FTCD: variants seen among roughly 807,000 people sequenced by gnomAD.
FTCD encodes the protein formimidoyltransferase-cyclodeaminase.
A neutral mutation model predicts 62.9 loss-of-function variants in FTCD; 76 were observed. The ratio of observed to expected loss-of-function variants is 1.21; its 90% CI spans 1.00 to 1.46. The LOEUF is 1.46. FTCD is among the 40% of genes most tolerant of loss of function. FTCD has a pLI of 0.00. For missense variants in FTCD, 845 were observed against 751.3 expected (o/e 1.12, Z -1.46); for synonymous variants, 397 against 336.9 (o/e 1.18, Z -1.95).
At chr21:46,153,151 C>A in intron 2 of FTCD, 116 bp from the exon 3 acceptor site, 1 of 1,129,756 alleles carries the variant, frequency 8.9e-7, no homozygotes, top group Admixed American at 2.4e-5. Context: ...TCCACACACC[C>A]AGCAAGCTGC....
chr21:46,137,457 C>T lies in FTCD; in HGVS notation c.1444-123G>A, dbSNP rs558393682. The T allele has an allele frequency of 1.6e-4, 127 of 782,252 alleles. 1 individual carries two copies. The highest frequency in any genetic ancestry group is 8.0e-4 in the Admixed American group (43 of 53,890). The allele number at this position is 782,252 out of a possible 1,614,324, so 48.5% of individuals were successfully genotyped here. On this transcript the variant is annotated intron_variant, in intron 12 of 13. Transcript: ENST00000397746. The stretch of plus-strand genomic sequence containing the variant: ...GTCCTCCTCCTCACAAGGAGCCCAG[C>T]GCAGCCCCCGCTTTCGCCCCACAGA...
Position 46,136,895 on chromosome 21 carries a change from C to G in FTCD, c.*92G>C. ...GCCCACCTACCCTCCGGGCCCCACA[C>G]GAACAAGCTGTGTCCCCACCGAGGT... On this transcript the variant is annotated 3_prime_UTR_variant, in exon 14 of 14. Transcript: ENST00000397746. 1 of 1,590,746 alleles carries G rather than the reference C, an allele frequency of 6.3e-7. No homozygotes were observed. The highest frequency in any genetic ancestry group is 1.1e-5 in the South Asian group (1 of 88,058).
Position 46,138,571 on chromosome 21 carries a change from C to A in FTCD, c.1380G>T (p.Ser460=), listed in dbSNP as rs750312666. The A allele has an allele frequency of 8.8e-6, 14 of 1,587,102 alleles. No individual in the cohort carries two copies. Among genetic ancestry groups the A allele is most frequent in the Non-Finnish European group, 1.2e-5 (14 of 1,173,924 alleles). The change falls in exon 12 of 14, where the codon TCG becomes TCT. Residue 460 remains serine (S), a synonymous_variant. Coordinates refer to ENST00000397746, the MANE Select transcript of FTCD (RefSeq NM_206965.2). ...VPLTLAETVA[S]LWPALQELAR... ...CCAGTTCCTGCAGGGCCGGCCACAG[C>A]GAGGCCACCGTCTCCGCCAGCGTCA... is the stretch of plus-strand genomic sequence containing the variant.
Position 46,151,597 on chromosome 21 carries a change from G to C in FTCD, c.597C>G (p.Ile199Met), listed in dbSNP as rs773170658. The C allele has an allele frequency of 5.6e-6, 9 of 1,612,880 alleles. No individual in the cohort carries two copies. The highest frequency in any genetic ancestry group is 7.6e-6 in the Non-Finnish European group (9 of 1,179,968). The stretch of plus-strand genomic sequence containing the variant: ...GGCCCTGCTCCCGCAGGTTGAGCGC[G>C]ATGCGGTGGGCTTGCTCCTTTGTGC... ...LLGTKEQAHR[I>M]ALNLREQGRG... is the part of the protein sequence containing the mutation. Residue 199 changes from isoleucine (I) to methionine (M), a missense_variant, in exon 5 of 14, where the codon ATC becomes ATG. Coordinates refer to ENST00000397746, the MANE Select transcript of FTCD (RefSeq NM_206965.2).
At chr21:46,145,989 T>TG in intron 8 of FTCD, 42 bp from the exon 9 acceptor site, 3 of 1,257,648 alleles carry the variant, frequency 2.4e-6, no homozygotes, top group East Asian at 2.7e-5. Flanking sequence ...CCGGGGTTGG[T>TG]GGGGGGAGCG....
Position 46,145,951 on chromosome 21 carries a change from C to T in FTCD, c.969-4G>A. 1 of 1,483,426 alleles carries T rather than the reference C, an allele frequency of 6.7e-7. No homozygotes were observed. The highest frequency in any genetic ancestry group is 9.0e-7 in the Non-Finnish European group (1 of 1,116,096). The allele number at this position is 1,483,426 out of a possible 1,614,324, so 91.9% of individuals were successfully genotyped here. A position where few individuals can be genotyped will look rare whatever the true frequency, so the allele number is the denominator to read the frequency against. On this transcript the variant is annotated splice_region_variant and splice_polypyrimidine_tract_variant and intron_variant, in intron 8 of 13. Transcript: ENST00000397746. ...CCCGCGCTCAGGGACCAGGTACCTGCAGGGTGGGCGCGGCTCAGCGGGTCT... is the reference window on the plus strand; with the variant it reads ...CCCGCGCTCAGGGACCAGGTACCTGTAGGGTGGGCGCGGCTCAGCGGGTCT...
At position 46,155,562 on chromosome 21, in the gene FTCD, T is replaced by A. The variant is rs776438023; in HGVS notation, c.-39A>T. ...ATCCAGATGCTCCTCTCTGGGCAGA[T>A]GGAAGGACAGGGCCAGTGCTCCGCA... On this transcript the variant is annotated 5_prime_UTR_variant, in exon 1 of 14. Transcript: ENST00000397746. 9 of 1,586,786 alleles carry A rather than the reference T, an allele frequency of 5.7e-6. No individual in the cohort carries two copies. The South Asian group carries it at 9.9e-5, about 18-fold the overall frequency.
At chr21:46,148,049 G>T (rs1345185660) in intron 7 of FTCD, among the ~76,000 whole-genome samples, 1 of 152,080 alleles carries the variant, frequency 6.6e-6, no homozygotes, top group African/African-American at 2.4e-5. Context: ...CTGCTGCTTA[G>T]ACAGAAAGGA....
downstream of FTCD, chr21:46,136,748 T>G (rs1601284852): frequency 6.7e-7 from 1 of 1,489,376 alleles, no homozygotes; most frequent in African/African-American, 1.4e-5. Context: ...CTCTCAGCCC[T>G]GCCCCCAAAA....
chr21:46,153,909 G>A (rs1380955767), intron 2 of FTCD, among the ~76,000 whole-genome samples: 2 of 152,074 alleles, frequency 1.3e-5, no homozygotes, highest in Admixed American at 6.5e-5. Context: ...AGCCGTGAAG[G>A]TGGCCCGGTG....
intron 10 of FTCD, 118 bp from the exon 11 acceptor site, chr21:46,139,041 G>A: frequency 1.2e-6 from 1 of 811,240 alleles, no homozygotes; most frequent in Middle Eastern, 2.2e-4. Flanking sequence ...CAGTTCTCTG[G>A]GAACCAAGCT....
At chr21:46,136,377 G>A (rs558753501), downstream of FTCD, 49 of 1,509,202 alleles carry the variant, frequency 3.2e-5, no homozygotes, top group South Asian at 9.1e-5. Flanking sequence ...AAGGGTGGAC[G>A]GGAACTGAGG....
rs375974253 is a variant in FTCD, at chr21:46,155,553, C to G, written c.-30G>C. On this transcript the variant is annotated 5_prime_UTR_variant, in exon 1 of 14. Coordinates refer to ENST00000397746, the MANE Select transcript of FTCD (RefSeq NM_206965.2). Reference sequence around the variant, plus strand: ...AGCACCTTGATCCAGATGCTCCTCTCTGGGCAGATGGAAGGACAGGGCCAG... The same window carrying G: ...AGCACCTTGATCCAGATGCTCCTCTGTGGGCAGATGGAAGGACAGGGCCAG... 3.7e-6 allele frequency: 6 copies of G among 1,603,966 alleles called. No homozygotes were observed. The highest frequency in any genetic ancestry group is 1.3e-5 in the African/African-American group (1 of 74,916).
chr21:46,147,762 C>A (rs901073423), intron 7 of FTCD, among the ~76,000 whole-genome samples: 2 of 151,678 alleles, frequency 1.3e-5, no homozygotes, highest in South Asian at 2.1e-4. Context: ...GATGGTGAAA[C>A]CCCGTCTCTA....
downstream of FTCD, chr21:46,136,292 C>CT (rs986362030): frequency 3.1e-6 from 2 of 652,658 alleles, no homozygotes; most frequent in Admixed American, 2.9e-5. Flanking sequence ...TAATGGAGAA[C>CT]TTCTCTGGAG....
chr21:46,154,993 CCT>C (rs375997191), intron 1 of FTCD, among the ~76,000 whole-genome samples: 3,019 of 152,306 alleles, frequency 0.02, 44 homozygotes, highest in Middle Eastern at 0.051. Flanking sequence ...CCTGCTGCCC[CCT>C]CTGTGCCTAC....
downstream of FTCD, chr21:46,136,730 C>A (rs573581431): frequency 1.3e-4 from 194 of 1,478,174 alleles, 1 homozygote; most frequent in African/African-American, 1.5e-3. Context: ...CCAAGACCCG[C>A]AGCTCAGCTC....
chr21:46,140,985 G>C (rs1337747802), intron 10 of FTCD, among the ~76,000 whole-genome samples: 1 of 152,178 alleles, frequency 6.6e-6, no homozygotes, highest in African/African-American at 2.4e-5. Context: ...GCCTAGCACA[G>C]TCTCACTGTC....
chr21:46,139,110 G>A lies in FTCD; in HGVS notation c.1261-187C>T, dbSNP rs76134357. On this transcript the variant is annotated intron_variant, in intron 10 of 13. Coordinates refer to ENST00000397746, the MANE Select transcript of FTCD (RefSeq NM_206965.2). ...CAGGCTTGGTGGAGGAGCAGGGTAG[G>A]GGGGGTCGGGGCACACAGCAGATGG... 1.7e-5 allele frequency: 11 copies of A among 633,236 alleles called. 1 individual carries two copies. The highest frequency in any genetic ancestry group is 5.5e-5 in the East Asian group (2 of 36,406). 39.2% of individuals were successfully genotyped at this position (633,236 alleles called of 1,614,324 possible).
Sources: allele counts gnomAD v4.1 joint callset (sites outside exome capture counted in the v4.1 genomes callset), GRCh38; gene constraint gnomAD v4.1.1; transcripts MANE v1.5; gene names NCBI Gene and HGNC (gene_info 2026-07-23, HGNC 2026-07-21).